Variants in SLC39A11 observed in about 807,000 individuals in gnomAD.
The protein encoded by SLC39A11 is zinc transporter ZIP11.
Under a neutral mutation model 36.1 loss-of-function variants are expected in SLC39A11, and 33 were observed. That is an observed-to-expected ratio of 0.91 (90% CI 0.69 to 1.22). The LOEUF is 1.22. Among genes scored for constraint, SLC39A11 ranks in the 50% most tolerant of loss-of-function variants. The pLI is 0.00. For missense variants in SLC39A11, 432 were observed against 430.3 expected (o/e 1.00, Z -0.03); for synonymous variants, 166 against 170.3 (o/e 0.97, Z 0.20).
chr17:73,018,526 A>T (rs6501593), intron 4 of SLC39A11, among the ~76,000 whole-genome samples: 1 of 151,938 alleles, frequency 6.6e-6, no homozygotes, highest in Non-Finnish European at 1.5e-5. Context: ...CCAGCCTGGG[A>T]AACACGGCAA....
chr17:72,775,827 G>C (rs1426948416), intron 6 of SLC39A11, among the ~76,000 whole-genome samples: 1 of 152,216 alleles, frequency 6.6e-6, no homozygotes, highest in Admixed American at 6.5e-5. Context: ...TTAGGGATAA[G>C]ATTTTAGCTC....
intron 5 of SLC39A11, among the ~76,000 whole-genome samples, chr17:72,937,986 T>C (rs980287109): frequency 6.6e-6 from 1 of 152,166 alleles, no homozygotes. Context: ...GAGAGTGAAT[T>C]CTGTTTCAGA....
chr17:72,708,502 A>G (rs1232844048), intron 7 of SLC39A11, among the ~76,000 whole-genome samples: 1 of 152,152 alleles, frequency 6.6e-6, no homozygotes, highest in African/African-American at 2.4e-5. Context: ...CTATATATAC[A>G]CATCCTATTG....
intron 7 of SLC39A11, among the ~76,000 whole-genome samples, chr17:72,731,632 C>G (rs2143854819): frequency 6.6e-6 from 1 of 152,172 alleles, no homozygotes; most frequent in East Asian, 1.9e-4. Context: ...GTACCCTGCC[C>G]TCAGTTTCCC....
At chr17:72,789,815 G>C (rs912897346) in intron 6 of SLC39A11, among the ~76,000 whole-genome samples, 2 of 152,228 alleles carry the variant, frequency 1.3e-5, no homozygotes, top group African/African-American at 4.8e-5. Flanking sequence ...ATAGGAGAAA[G>C]ATCTGTGGGT....
chr17:72,718,752 G>A (rs1447724455), intron 7 of SLC39A11, among the ~76,000 whole-genome samples: 1 of 152,182 alleles, frequency 6.6e-6, no homozygotes, highest in African/African-American at 2.4e-5. Context: ...TGTAAAATGG[G>A]AATGATAATT....
intron 4 of SLC39A11, among the ~76,000 whole-genome samples, chr17:72,987,428 T>C (rs570753942): frequency 6.6e-6 from 1 of 152,270 alleles, no homozygotes; most frequent in South Asian, 2.1e-4. Flanking sequence ...CCAGTTTGAG[T>C]GAATGGGGCA....
chr17:72,795,841 C>T (rs2076878193), intron 6 of SLC39A11, among the ~76,000 whole-genome samples: 1 of 152,062 alleles, frequency 6.6e-6, no homozygotes, highest in Non-Finnish European at 1.5e-5. Context: ...TTCAGGAAGA[C>T]AAGGACTATT....
chr17:72,783,392 C>T (rs1227400746), intron 6 of SLC39A11, among the ~76,000 whole-genome samples: 9 of 152,338 alleles, frequency 5.9e-5, no homozygotes, highest in South Asian at 2.1e-4. Flanking sequence ...TGATCACACA[C>T]GCCCCTTCCT....
chr17:72,716,980 A>AATATATAT (rs772844911), intron 7 of SLC39A11, among the ~76,000 whole-genome samples: 7 of 130,476 alleles, frequency 5.4e-5, no homozygotes, highest in Non-Finnish European at 8.1e-5. Context: ...AAAAAAAAAA[A>AATATATAT]ATATATATAT....
chr17:72,685,036 G>C (rs2144349772), intron 7 of SLC39A11, among the ~76,000 whole-genome samples: 1 of 152,328 alleles, frequency 6.6e-6, no homozygotes, highest in South Asian at 2.1e-4. Flanking sequence ...GCTGAGCAGG[G>C]AAATGATCAT....
At chr17:72,842,692 T>A (rs1386980546) in intron 6 of SLC39A11, among the ~76,000 whole-genome samples, 1 of 152,182 alleles carries the variant, frequency 6.6e-6, no homozygotes, top group Non-Finnish European at 1.5e-5. Flanking sequence ...AAAACCATGT[T>A]GTTTCCTCAG....
At chr17:72,972,677 C>G (rs141912273) in intron 4 of SLC39A11, among the ~76,000 whole-genome samples, 1,859 of 152,138 alleles carry the variant, frequency 0.012, 20 homozygotes, top group South Asian at 0.017. Flanking sequence ...ATTTGCCAAA[C>G]ACAGATTATT....
At chr17:72,649,644 C>CTTTTTTTTTTTTTTTTTTTT (rs5821920) in intron 7 of SLC39A11, among the ~76,000 whole-genome samples, 1 of 138,200 alleles carries the variant, frequency 7.2e-6, no homozygotes, top group Non-Finnish European at 1.5e-5. Flanking sequence ...TTTTCTTTTT[C>CTTTTTTTTTTTTTTTTTTTT]TTTTTTTTTT....
chr17:72,889,925 G>A (rs1206624145), intron 5 of SLC39A11, among the ~76,000 whole-genome samples: 1 of 152,110 alleles, frequency 6.6e-6, no homozygotes, highest in Non-Finnish European at 1.5e-5. Context: ...AGGGCTGGAA[G>A]CAAGAAAATG....
intron 5 of SLC39A11, among the ~76,000 whole-genome samples, chr17:72,939,334 A>T (rs1274695744): frequency 2.0e-5 from 3 of 151,898 alleles, no homozygotes; most frequent in African/African-American, 7.3e-5. Context: ...AGTGGCGTAC[A>T]CCTGTTTCCA....
In SLC39A11 at chr17:73,005,573, T is replaced by C. The variant is rs542127899; in HGVS notation, c.306+25983A>G. 4.6e-5 allele frequency among the ~76,000 whole-genome samples: 7 copies of C among 152,312 alleles called. No individual in the cohort carries two copies. In the South Asian group the frequency reaches 1.5e-3, roughly 32 times the overall value. Reference sequence around the variant, plus strand: ...CAACAAAGCACCTTCCTGTTCTATATGCAGAGGCTCTGCCCGCTCCAGCCA... The same window carrying C: ...CAACAAAGCACCTTCCTGTTCTATACGCAGAGGCTCTGCCCGCTCCAGCCA... On this transcript the variant is annotated intron_variant, in intron 4 of 9. Coordinates refer to ENST00000255559, the MANE Select transcript of SLC39A11 (RefSeq NM_139177.4).
At chr17:73,036,786 C>T (rs886880097) in intron 3 of SLC39A11, among the ~76,000 whole-genome samples, 2 of 152,152 alleles carry the variant, frequency 1.3e-5, no homozygotes, top group African/African-American at 2.4e-5. Context: ...TGGTGCTATA[C>T]ATTCCATGGA....
intron 4 of SLC39A11, among the ~76,000 whole-genome samples, chr17:73,005,656 C>T (rs2090137032): frequency 6.6e-6 from 1 of 152,182 alleles, no homozygotes; most frequent in Non-Finnish European, 1.5e-5. Flanking sequence ...ATCACATCAC[C>T]ACCTGAGTGA....
Sources: allele counts gnomAD v4.1 joint callset (sites outside exome capture counted in the v4.1 genomes callset), GRCh38; gene constraint gnomAD v4.1.1; transcripts MANE v1.5; gene names NCBI Gene and HGNC (gene_info 2026-07-23, HGNC 2026-07-21).